ZNF287: variants seen among roughly 807,000 people sequenced by gnomAD.
ZNF287 encodes the protein zinc finger protein with KRAB and SCAN domains 13.
Under a neutral mutation model 73.7 loss-of-function variants are expected in ZNF287, and 31 were observed. The ratio of observed to expected loss-of-function variants is 0.42; its 90% CI spans 0.32 to 0.57. The LOEUF (loss-of-function observed/expected upper bound fraction) is 0.57. Among genes scored for constraint, ZNF287 ranks in the 20% least tolerant of loss-of-function variants. ZNF287 has a pLI of 0.13. For missense variants in ZNF287, 641 were observed against 909.3 expected, an observed-to-expected ratio of 0.70 and a Z score of 3.79; for synonymous variants, 301 against 307.2, an observed-to-expected ratio of 0.98 and a Z score of 0.21.
Position 16,547,510 on chromosome 17 carries a change from C to T in ZNF287, c.*4346G>A, listed in dbSNP as rs528252358. On this transcript the variant is annotated 3_prime_UTR_variant, in exon 6 of 6. Coordinates refer to ENST00000395825, the MANE Select transcript of ZNF287 (RefSeq NM_020653.4). ...TTAACAAGATTTAGTTGTTTGCACC[C>T]GAAAGTTTATCCCAGTTATGTAATT... Among the ~76,000 whole-genome samples, 7 of 152,200 alleles carry T rather than the reference C, an allele frequency of 4.6e-5. No homozygotes were observed. Among genetic ancestry groups the T allele is most frequent in the South Asian group, 4.1e-4 (2 of 4,820 alleles).
At chr17:16,560,583 C>T (rs1356693747) in intron 5 of ZNF287, among the ~76,000 whole-genome samples, 1 of 149,674 alleles carries the variant, frequency 6.7e-6, no homozygotes, top group Non-Finnish European at 1.5e-5. Context: ...CTCCTGACTT[C>T]GTGATCCGCC....
chr17:16,551,969 T>C lies in ZNF287; in HGVS notation c.2173A>G (p.Ile725Val), dbSNP rs773727534. 6 of 1,614,176 alleles carry C rather than the reference T, an allele frequency of 3.7e-6. No homozygotes were observed. The highest frequency in any genetic ancestry group is 5.1e-6 in the Non-Finnish European group (6 of 1,180,010). The change falls in exon 6 of 6, where the codon ATT becomes GTT. Residue 725 changes from isoleucine (I) to valine (V), a missense_variant. By Grantham distance (29) the Ile-to-Val change is conservative. This residue lies in a region of ZNF287 where 284 missense variants were observed against 466.8 expected (regional missense o/e 0.61). Coordinates refer to ENST00000395825, the MANE Select transcript of ZNF287 (RefSeq NM_020653.4). ...GCATAGGGTTTCTCTCCTGTGTGAA[T>C]TCTCTGGTGTTGAATAAGGCATGTT... ...QRTCLIQHQRIHTGEKPYACR... is the reference protein window; with the variant it reads ...QRTCLIQHQRVHTGEKPYACR...
chr17:16,565,029 T>C (rs1907666176), intron 3 of ZNF287, among the ~76,000 whole-genome samples: 1 of 151,804 alleles, frequency 6.6e-6, no homozygotes, highest in Admixed American at 6.6e-5. Flanking sequence ...CACGTGTTTA[T>C]TTTTTCATAT....
Position 16,552,799 on chromosome 17 carries a change from C to G in ZNF287, c.1343G>C (p.Gly448Ala). ...GTCATCACACTTATAGGGTTTCTCTCCAGTATGAATTCTCTGATGTATAGT... is the reference window on the plus strand; with the variant it reads ...GTCATCACACTTATAGGGTTTCTCTGCAGTATGAATTCTCTGATGTATAGT... ...HLTIHQRIHTGEKPYKCDDCG... is the reference protein window; with the variant it reads ...HLTIHQRIHTAEKPYKCDDCG... Residue 448 changes from glycine (G) to alanine (A), a missense_variant, in exon 6 of 6, where the codon GGA (glycine) becomes GCA (alanine). This residue lies in a region of ZNF287 where 284 missense variants were observed against 466.8 expected (regional missense o/e 0.61). Coordinates refer to ENST00000395825, the MANE Select transcript of ZNF287 (RefSeq NM_020653.4). The surrounding 1 kb of genome is among the most constrained non-coding windows in gnomAD (Gnocchi z 6.5). The G allele has an allele frequency of 6.2e-7, 1 of 1,614,110 alleles. No homozygotes were observed. The highest frequency in any genetic ancestry group is 8.5e-7 in the Non-Finnish European group (1 of 1,180,018).
chr17:16,563,637 G>A, intron 4 of ZNF287, 62 bp downstream of exon 4: 3 of 1,556,846 alleles, frequency 1.9e-6, no homozygotes, highest in Non-Finnish European at 2.6e-6. Context: ...AAGCATGTCT[G>A]AGGACCAACC....
At chr17:16,558,600 A>G (rs1269976389) in intron 5 of ZNF287, among the ~76,000 whole-genome samples, 1 of 152,140 alleles carries the variant, frequency 6.6e-6, no homozygotes, top group East Asian at 1.9e-4. Context: ...GTGCCTGGCC[A>G]TATCATATTT....
intron 3 of ZNF287, 115 bp downstream of exon 3, chr17:16,566,410 G>A (rs1049122154): frequency 1.8e-5 from 14 of 762,382 alleles, no homozygotes; most frequent in Non-Finnish European, 3.0e-5. Context: ...GAGAGAAACT[G>A]GGGCTTAAGT....
At chr17:16,555,638 A>ACC (rs1907002611) in intron 5 of ZNF287, among the ~76,000 whole-genome samples, 1 of 149,032 alleles carries the variant, frequency 6.7e-6, no homozygotes, top group African/African-American at 2.6e-5. Flanking sequence ...ACACACACAC[A>ACC]CACCCCAAAC....
Position 16,551,516 on chromosome 17 carries a change from C to T in ZNF287, c.*340G>A, listed in dbSNP as rs1597461955. Reference sequence around the variant, plus strand: ...TGCAACTTGAGTATGGGTAGATTTTCGTATACATGGGTGGTCCTGGAACCA... The same window carrying T: ...TGCAACTTGAGTATGGGTAGATTTTTGTATACATGGGTGGTCCTGGAACCA... On this transcript the variant is annotated 3_prime_UTR_variant, in exon 6 of 6. Coordinates refer to ENST00000395825, the MANE Select transcript of ZNF287 (RefSeq NM_020653.4). 4.6e-6 allele frequency: 1 copy of T among 215,794 alleles called. No individual in the cohort carries two copies. The highest frequency in any genetic ancestry group is 9.1e-6 in the Non-Finnish European group (1 of 109,332). 13.4% of individuals were successfully genotyped at this position (215,794 alleles called of 1,614,324 possible). A position where few individuals can be genotyped will look rare whatever the true frequency, so the allele number is the denominator to read the frequency against.
chr17:16,556,733 A>G (rs1907098795), intron 5 of ZNF287, among the ~76,000 whole-genome samples: 1 of 152,206 alleles, frequency 6.6e-6, no homozygotes, highest in Non-Finnish European at 1.5e-5. Context: ...CTTCTATGCA[A>G]TCAGTATCAG....
At position 16,551,039 on chromosome 17, in the gene ZNF287, A is replaced by AT. The variant is rs1334345582; in HGVS notation, c.*816dup. Among the ~76,000 whole-genome samples, 2 of 152,124 alleles carry AT rather than the reference A, an allele frequency of 1.3e-5. No homozygotes were observed. Among genetic ancestry groups the AT allele is most frequent in the African/African-American group, 4.8e-5 (2 of 41,424 alleles). The stretch of plus-strand genomic sequence containing the variant: ...ATATCTTTCATTAAGCTTCTCTTTA[A>AT]TATTTCCATATCTGAGGGAAGGTGT... On this transcript the variant is annotated 3_prime_UTR_variant, in exon 6 of 6. Transcript: ENST00000395825.
Position 16,552,036 on chromosome 17 carries a change from T to G in ZNF287, c.2106A>C (p.Arg702Ser). ...TATCACATTCATTACATTTATAGGG[T>G]CTCTCTCCAGTATGAGTTCTCTGAT... ...NQHQRTHTGERPYKCNECDKD... is the reference protein window; with the variant it reads ...NQHQRTHTGESPYKCNECDKD... Residue 702 changes from arginine to serine, a missense_variant, in exon 6 of 6, where the codon AGA (arginine) becomes AGC (serine). Coordinates refer to ENST00000395825, the MANE Select transcript of ZNF287 (RefSeq NM_020653.4). This position sits in a 1 kb window ranked among gnomAD's most constrained non-coding sequence, Gnocchi z 6.5. 1.2e-6 allele frequency: 2 copies of G among 1,614,056 alleles called. No individual in the cohort carries two copies. Among genetic ancestry groups the G allele is most frequent in the Non-Finnish European group, 1.7e-6 (2 of 1,179,978 alleles).
At position 16,549,604 on chromosome 17, in the gene ZNF287, T is replaced by G. The variant is rs1310214570; in HGVS notation, c.*2252A>C. 6.6e-6 allele frequency among the ~76,000 whole-genome samples: 1 copy of G among 152,194 alleles called. No individual in the cohort carries two copies. The highest frequency in any genetic ancestry group is 1.5e-5 in the Non-Finnish European group (1 of 68,026). On this transcript the variant is annotated 3_prime_UTR_variant, in exon 6 of 6. Transcript: ENST00000395825. ...AATGTAAGGGAAATGGAAATCAAGT[T>G]TTTTAAAGAAAACACTCAATAATAT...
At chr17:16,567,289 C>G (rs1321566186) in intron 2 of ZNF287, 40 bp downstream of exon 2, 1 of 1,569,112 alleles carries the variant, frequency 6.4e-7, no homozygotes, top group Non-Finnish European at 8.6e-7. Context: ...CTTCTTTAAC[C>G]ACCCAGGGAT....
rs189822104 is a variant in ZNF287, at chr17:16,548,884, A to C, written c.*2972T>G. Among the ~76,000 whole-genome samples, 201 of 152,372 alleles carry C rather than the reference A, an allele frequency of 1.3e-3. 1 individual carries two copies. Among genetic ancestry groups the C allele is most frequent in the African/African-American group, 4.7e-3 (194 of 41,586 alleles). ...ACTATGTGTGAAAACTGACTGGATC[A>C]ACAGAGGAAATTTAAACACAGACTA... is the stretch of plus-strand genomic sequence containing the variant. On this transcript the variant is annotated 3_prime_UTR_variant, in exon 6 of 6. Coordinates refer to ENST00000395825, the MANE Select transcript of ZNF287 (RefSeq NM_020653.4).
intron 5 of ZNF287, chr17:16,558,329 ACT>A (rs1407902122): frequency 6.6e-6 from 1 of 151,542 alleles, no homozygotes; most frequent in African/African-American, 2.4e-5. Context: ...AGACAGTCTT[ACT>A]CTGTCACCCA....
intron 5 of ZNF287, among the ~76,000 whole-genome samples, chr17:16,560,654 G>A (rs917647788): frequency 6.6e-6 from 1 of 152,028 alleles, no homozygotes; most frequent in East Asian, 2.0e-4. Context: ...GGCTGAAAGG[G>A]CTATTCTTTA....
At chr17:16,566,705 T>G in intron 2 of ZNF287, 83 bp from the exon 3 acceptor site, 1 of 898,952 alleles carries the variant, frequency 1.1e-6, no homozygotes, top group Non-Finnish European at 1.7e-6. Context: ...ATGCCTACAC[T>G]TTCTTAAATC....
chr17:16,548,732 G>A lies in ZNF287; in HGVS notation c.*3124C>T, dbSNP rs894007926. Among the ~76,000 whole-genome samples the A allele has an allele frequency of 1.3e-5, 2 of 152,046 alleles. No homozygotes were observed. Among genetic ancestry groups the A allele is most frequent in the Non-Finnish European group, 2.9e-5 (2 of 67,980 alleles). Reference sequence around the variant, plus strand: ...GGAGAATGGCGTGAACCTGGGAGGCGGACCTTGCAGTGAGCCGAGATTGCA... The same window carrying A: ...GGAGAATGGCGTGAACCTGGGAGGCAGACCTTGCAGTGAGCCGAGATTGCA... On this transcript the variant is annotated 3_prime_UTR_variant, in exon 6 of 6. Transcript: ENST00000395825.
Sources: gnomAD v4.1 joint callset for allele counts (sites outside exome capture counted in the v4.1 genomes callset) on GRCh38, gnomAD v4.1.1 for gene constraint, gnomAD v4.1.1 regional missense constraint, Gnocchi (gnomAD v3.1) non-coding constraint, MANE v1.5 for transcripts, NCBI Gene and HGNC (gene_info 2026-07-23, HGNC 2026-07-21) for gene names.